ZNF607: variants seen among roughly 807,000 people sequenced by gnomAD.
ZNF607 encodes the protein zinc finger protein 607.
In ZNF607, 5 loss-of-function variants were observed where a neutral mutation model predicts 12.8. The observed-to-expected ratio is 0.39, with a 90% CI of 0.20 to 0.82. The LOEUF (loss-of-function observed/expected upper bound fraction) is 0.82. Among genes scored for constraint, ZNF607 ranks in the 40% least tolerant of loss-of-function variants. The pLI, the probability that ZNF607 is intolerant of heterozygous loss-of-function variation, is 0.39. For synonymous variants in ZNF607, 287 were observed against 276.2 expected (o/e 1.04, Z -0.39); for missense variants, 851 against 859.2 (o/e 0.99, Z 0.12).
chr19:37,709,848 T>G (rs1039275328), intron 2 of ZNF607, 26 bp from the exon 3 acceptor site: 1 of 1,605,254 alleles, frequency 6.2e-7, no homozygotes, highest in Admixed American at 1.7e-5. Context: ...CATGTATTAC[T>G]GGGGAAATTC....
intron 4 of ZNF607, among the ~76,000 whole-genome samples, chr19:37,700,512 A>T (rs796988368): frequency 6.6e-6 from 1 of 152,246 alleles, no homozygotes; most frequent in African/African-American, 2.4e-5. Context: ...TTTTCATTGA[A>T]GAATGATCAG....
intron 3 of ZNF607, among the ~76,000 whole-genome samples, chr19:37,708,919 T>C (rs2045109214): frequency 6.6e-6 from 1 of 151,934 alleles, no homozygotes; most frequent in Non-Finnish European, 1.5e-5. Context: ...CTTGGGCAAG[T>C]TACTTACACT....
chr19:37,717,548 C>CA (rs2145253828), intron 1 of ZNF607, among the ~76,000 whole-genome samples: 1 of 150,700 alleles, frequency 6.6e-6, no homozygotes, highest in South Asian at 2.1e-4. Flanking sequence ...GTAATCCCAA[C>CA]ACTTTGGGAG....
rs1423544525 is a variant in ZNF607 at position 37,699,044 on chromosome 19, T to G, written c.1087A>C (p.Lys363Gln). ...TAPHTFESVEKPYKCEECGKA... is the reference protein window; with the variant it reads ...TAPHTFESVEQPYKCEECGKA... Reference sequence around the variant, plus strand: ...CCACATTCCTCACACTTATAAGGTTTCTCAACACTTTCAAATGTATGAGGT... The same window carrying G: ...CCACATTCCTCACACTTATAAGGTTGCTCAACACTTTCAAATGTATGAGGT... Residue 363 changes from lysine (K) to glutamine (Q), a missense_variant, in exon 5 of 5, where the codon AAA becomes CAA. Lys to Gln is a moderately conservative substitution (Grantham distance 53). Coordinates refer to ENST00000355202, the MANE Select transcript of ZNF607 (RefSeq NM_032689.5). The G allele has an allele frequency of 6.2e-7, 1 of 1,614,086 alleles. No homozygotes were observed. The highest frequency in any genetic ancestry group is 1.1e-5 in the South Asian group (1 of 91,078).
At chr19:37,703,706 C>T in intron 4 of ZNF607, among the ~76,000 whole-genome samples, 1 of 152,162 alleles carries the variant, frequency 6.6e-6, no homozygotes, top group East Asian at 1.9e-4. Context: ...CAAGAAGGTG[C>T]ATGTCGTAAC....
chr19:37,713,201 T>C (rs975926957), intron 1 of ZNF607, among the ~76,000 whole-genome samples: 2 of 152,038 alleles, frequency 1.3e-5, no homozygotes, highest in Non-Finnish European at 2.9e-5. Flanking sequence ...ATAGCCTGAC[T>C]ATTGCTATAC....
At chr19:37,716,290 T>C (rs1396676353) in intron 1 of ZNF607, among the ~76,000 whole-genome samples, 8 of 152,262 alleles carry the variant, frequency 5.3e-5, no homozygotes, top group African/African-American at 1.9e-4. Flanking sequence ...TACTTCAGTT[T>C]ACTTTTTTCT....
intron 2 of ZNF607, 29 bp from the exon 3 acceptor site, chr19:37,709,851 G>A: frequency 6.2e-7 from 1 of 1,604,184 alleles, no homozygotes; most frequent in Non-Finnish European, 8.5e-7. Flanking sequence ...GTATTACTGG[G>A]GAAATTCCAA....
Position 37,719,301 on chromosome 19 carries a change from A to G in ZNF607, c.-107T>C, listed in dbSNP as rs201994023. The G allele has an allele frequency of 1.4e-3, 209 of 153,824 alleles. No individual in the cohort carries two copies. The highest frequency in any genetic ancestry group is 2.5e-3 in the Non-Finnish European group (171 of 68,948). 9.5% of individuals were successfully genotyped at this position (153,824 alleles called of 1,614,324 possible). A position where few individuals can be genotyped will look rare whatever the true frequency, so the allele number is the denominator to read the frequency against. ...AGTCCCGCAACTGCACCCACGTCACACAGGCAAGCCGGTCCTGTCGCCGCT... is the reference window on the plus strand; with the variant it reads ...AGTCCCGCAACTGCACCCACGTCACGCAGGCAAGCCGGTCCTGTCGCCGCT... On this transcript the variant is annotated 5_prime_UTR_variant, in exon 1 of 5. Coordinates refer to ENST00000355202, the MANE Select transcript of ZNF607 (RefSeq NM_032689.5).
Position 37,698,146 on chromosome 19 carries a change from A to C in ZNF607, c.1985T>G (p.Ile662Arg). ...CTCACCAGTATGAACTCTATGATGT[A>C]TACTAAGTTCATGGCTACTATTAAA... is the stretch of plus-strand genomic sequence containing the variant. ...KAFNSSHELS[I>R]HHRVHTGEKP... The change falls in exon 5 of 5, where the codon ATA becomes AGA. Residue 662 changes from isoleucine (I) to arginine (R), a missense_variant. Transcript: ENST00000355202. 6.2e-7 allele frequency: 1 copy of C among 1,614,122 alleles called. No individual in the cohort carries two copies. The highest frequency in any genetic ancestry group is 1.7e-5 in the Admixed American group (1 of 60,018).
At position 37,697,441 on chromosome 19, in the gene ZNF607, C is replaced by G; in HGVS notation, c.*599G>C. ...GGACCCTCTCACACCTGCTTCCACTCTGACCTCCACATCTAACTCATGTAA... is the reference window on the plus strand; with the variant it reads ...GGACCCTCTCACACCTGCTTCCACTGTGACCTCCACATCTAACTCATGTAA... On this transcript the variant is annotated 3_prime_UTR_variant, in exon 5 of 5. Coordinates refer to ENST00000355202, the MANE Select transcript of ZNF607 (RefSeq NM_032689.5). The G allele has an allele frequency of 1.2e-6, 1 of 805,410 alleles. No individual in the cohort carries two copies. The highest frequency in any genetic ancestry group is 2.6e-5 in the East Asian group (1 of 38,542). The allele number at this position is 805,410 out of a possible 1,614,324, so 49.9% of individuals were successfully genotyped here. A position where few individuals can be genotyped will look rare whatever the true frequency, so the allele number is the denominator to read the frequency against.
chr19:37,699,075 A>G lies in ZNF607; in HGVS notation c.1056T>C (p.Leu352=), dbSNP rs2045012056. 6.2e-7 allele frequency: 1 copy of G among 1,614,000 alleles called. No homozygotes were observed. The highest frequency in any genetic ancestry group is 8.5e-7 in the Non-Finnish European group (1 of 1,180,018). The change falls in exon 5 of 5, where the codon CTT becomes CTC. Residue 352 remains leucine, a synonymous_variant. Coordinates refer to ENST00000355202, the MANE Select transcript of ZNF607 (RefSeq NM_032689.5). ...NGEAFSSGHQ[L]TAPHTFESVE... ...CACTTTCAAATGTATGAGGTGCAGT[A>G]AGTTGATGGCCACTACTAAAAGCCT...
At chr19:37,705,053 AATC>A (rs1408740328) in intron 4 of ZNF607, among the ~76,000 whole-genome samples, 2 of 152,172 alleles carry the variant, frequency 1.3e-5, no homozygotes, top group Non-Finnish European at 2.9e-5. Flanking sequence ...TAAAAATAAT[AATC>A]ATCAGAAAAA....
rs543592505 is a variant in ZNF607 at position 37,714,777 on chromosome 19, T to C, written c.-74-3085A>G. ...GTTCTGAAGATTAATCAAGATGATCTATAGAAACACGAAAAAAGTAAAATA... is the reference window on the plus strand; with the variant it reads ...GTTCTGAAGATTAATCAAGATGATCCATAGAAACACGAAAAAAGTAAAATA... On this transcript the variant is annotated intron_variant, in intron 1 of 4. Coordinates refer to ENST00000355202, the MANE Select transcript of ZNF607 (RefSeq NM_032689.5). Among the ~76,000 whole-genome samples the C allele has an allele frequency of 7.2e-5, 11 of 152,266 alleles. No homozygotes were observed. In the South Asian group the frequency reaches 2.3e-3, roughly 32 times the overall value.
At chr19:37,706,020 G>A (rs2145234603) in intron 4 of ZNF607, among the ~76,000 whole-genome samples, 1 of 152,250 alleles carries the variant, frequency 6.6e-6, no homozygotes, top group African/African-American at 2.4e-5. Flanking sequence ...GGCCAACATG[G>A]TGAAACCCTG....
At chr19:37,700,420 TA>T (rs34014937) in intron 4 of ZNF607, among the ~76,000 whole-genome samples, 25,342 of 152,084 alleles carry the variant, frequency 0.17, 2,404 homozygotes, top group Middle Eastern at 0.3. Flanking sequence ...TCTTATTTAA[TA>T]TATAGAGAAA....
chr19:37,710,397 C>T (rs566726517), intron 2 of ZNF607, among the ~76,000 whole-genome samples: 8 of 149,080 alleles, frequency 5.4e-5, no homozygotes, highest in African/African-American at 7.4e-5. Context: ...GCCTAGAAGG[C>T]AGAGGTTGCA....
At chr19:37,703,606 A>T (rs1377633292) in intron 4 of ZNF607, among the ~76,000 whole-genome samples, 13 of 152,200 alleles carry the variant, frequency 8.5e-5, no homozygotes, top group Admixed American at 8.5e-4. Flanking sequence ...AAAAGTAAAA[A>T]GATGGAATCA....
chr19:37,715,260 G>A (rs1039667326), intron 1 of ZNF607, among the ~76,000 whole-genome samples: 3 of 150,904 alleles, frequency 2.0e-5, no homozygotes, highest in Non-Finnish European at 2.9e-5. Flanking sequence ...TCATAATTCC[G>A]AATTTACAAA....
Sources: gnomAD v4.1 joint callset for allele counts (sites outside exome capture counted in the v4.1 genomes callset) on GRCh38, gnomAD v4.1.1 for gene constraint, MANE v1.5 for transcripts, NCBI Gene and HGNC (gene_info 2026-07-23, HGNC 2026-07-21) for gene names.